The following NDE1 variants were observed in gnomAD, a reference collection of about 807,000 sequenced individuals.
NDE1 encodes nuclear distribution protein nudE homolog 1.
A neutral mutation model predicts 43.4 loss-of-function variants in NDE1; 28 were observed. That is an observed-to-expected ratio of 0.65 (90% CI 0.48 to 0.89). The LOEUF (loss-of-function observed/expected upper bound fraction) is 0.89, where lower values mean the gene tolerates loss of function less well. Ranked by LOEUF, NDE1 falls within the 40% of genes least tolerant of loss-of-function variation. The probability of loss-of-function intolerance (pLI) is 0.00; values close to 1 mark genes in which losing one functional copy is unlikely to be tolerated. For synonymous variants in NDE1, 184 were observed against 172.0 expected (o/e 1.07, Z -0.55); for missense variants, 441 against 434.1 (o/e 1.02, Z -0.14).
intron 8 of NDE1, among the ~76,000 whole-genome samples, chr16:15,709,765 T>C (rs564252985): frequency 6.6e-6 from 1 of 152,226 alleles, no homozygotes; most frequent in African/African-American, 2.4e-5. Context: ...AGCCAAGAAG[T>C]CCCAGGCAAG....
upstream of NDE1, among the ~76,000 whole-genome samples, chr16:15,648,647 A>C (rs2151381497): frequency 6.6e-6 from 1 of 151,834 alleles, no homozygotes. Flanking sequence ...TCTCTACTAA[A>C]AATACAAAAA....
At position 15,720,862 on chromosome 16, in the gene NDE1, TCTC is replaced by T. The variant is rs773606406; in HGVS notation, c.948-3325_948-3323del. On this transcript the variant is annotated intron_variant, in intron 8 of 8. Transcript: ENST00000396354. Reference sequence around the variant, plus strand: ...ACCTGTCTCTGCAGTTGCCTCCTCTTCTCCTCATTCTGCTCGTCCCGGGCTTGG... The same window carrying T: ...ACCTGTCTCTGCAGTTGCCTCCTCTTCTCATTCTGCTCGTCCCGGGCTTGG... 29 of 1,613,638 alleles carry T rather than the reference TCTC, an allele frequency of 1.8e-5. No homozygotes were observed. The highest frequency in any genetic ancestry group is 3.3e-5 in the Admixed American group (2 of 59,962).
intron 7 of NDE1, chr16:15,694,520 AT>A (rs2038918427): frequency 5.1e-6 from 4 of 784,712 alleles, no homozygotes; most frequent in Non-Finnish European, 6.2e-6. Flanking sequence ...TGATACTTTC[AT>A]TTTTTTGTAG....
At chr16:15,717,644 A>C in intron 8 of NDE1, 2 of 494,710 alleles carry the variant, frequency 4.0e-6, no homozygotes, top group Non-Finnish European at 7.3e-6. Context: ...AAAATACAAA[A>C]ATTAGCCGGG....
intron 4 of NDE1, among the ~76,000 whole-genome samples, chr16:15,684,956 G>C (rs2038364811): frequency 6.6e-6 from 1 of 152,164 alleles, no homozygotes; most frequent in South Asian, 2.1e-4. Context: ...GAGTTCCTCT[G>C]ATCATTCTTG....
chr16:15,705,224 C>A (rs1488700198), intron 8 of NDE1, among the ~76,000 whole-genome samples: 1 of 152,200 alleles, frequency 6.6e-6, no homozygotes, highest in African/African-American at 2.4e-5. Flanking sequence ...TCAAACGATC[C>A]ACCTGTCTTA....
chr16:15,707,663 G>GA (rs1567672976), intron 8 of NDE1, among the ~76,000 whole-genome samples: 1 of 152,198 alleles, frequency 6.6e-6, no homozygotes, highest in Non-Finnish European at 1.5e-5. Flanking sequence ...TCCATGAGGT[G>GA]AAGTCAGATC....
rs980781988 is a variant in NDE1, at chr16:15,650,285, C to T, written c.-53C>T. ...GCCGCCGCCGCGTTGGCCTCGCCGC[C>T]CCTGCTCGGGTAAGTGAGGCGCTGC... On this transcript the variant is annotated 5_prime_UTR_variant, in exon 1 of 9. Transcript: ENST00000396354. The T allele has an allele frequency of 4.8e-5, 15 of 315,178 alleles. No individual in the cohort carries two copies. Among genetic ancestry groups the T allele is most frequent in the Admixed American group, 3.6e-5 (1 of 27,690 alleles). The allele number at this position is 315,178 out of a possible 1,614,324, so 19.5% of individuals were successfully genotyped here.
At chr16:15,715,329 G>A (rs1448500871) in intron 8 of NDE1, 4 of 1,566,314 alleles carry the variant, frequency 2.6e-6, no homozygotes, top group Non-Finnish European at 3.5e-6. Flanking sequence ...CCTTGTAGCT[G>A]GTGTGTCACC....
At chr16:15,706,387 TCA>T (rs1009557092) in intron 8 of NDE1, among the ~76,000 whole-genome samples, 17 of 152,150 alleles carry the variant, frequency 1.1e-4, no homozygotes, top group South Asian at 6.2e-4. Flanking sequence ...GCTCTCTTCG[TCA>T]CAGTTTTAAC....
chr16:15,690,002 G>A (rs1394936309), intron 5 of NDE1, among the ~76,000 whole-genome samples: 1 of 151,616 alleles, frequency 6.6e-6, no homozygotes, highest in Non-Finnish European at 1.5e-5. Flanking sequence ...ATGTTATGGT[G>A]ATGATGAGTG....
chr16:15,709,342 A>G (rs1411023098), intron 8 of NDE1, among the ~76,000 whole-genome samples: 1 of 147,130 alleles, frequency 6.8e-6, no homozygotes, highest in East Asian at 2.0e-4. Context: ...GTTTTTTGAT[A>G]CTCTGTCACC....
chr16:15,724,442 G>C lies in NDE1; in HGVS notation c.*191G>C, dbSNP rs778268830. ...GACAGCGTCCAGGGTAGGGTGAGAG[G>C]GGGACCATGAGTGGCCCCTGTCCCT... On this transcript the variant is annotated 3_prime_UTR_variant, in exon 9 of 9. Coordinates refer to ENST00000396354, the MANE Select transcript of NDE1 (RefSeq NM_017668.3). The C allele has an allele frequency of 1.9e-6, 3 of 1,612,796 alleles. No individual in the cohort carries two copies. The Admixed American group carries it at 5.0e-5, about 27-fold the overall frequency.
intron 3 of NDE1, 86 bp from the exon 4 acceptor site, chr16:15,677,715 C>T: frequency 1.3e-6 from 2 of 1,492,580 alleles, no homozygotes; most frequent in Non-Finnish European, 1.9e-6. Context: ...TCCCGAGTAG[C>T]TGTGACTCCA....
chr16:15,684,525 A>G (rs1442681989), intron 4 of NDE1: 1 of 150,664 alleles, frequency 6.6e-6, no homozygotes, highest in Non-Finnish European at 1.5e-5. Flanking sequence ...CCCCGGAGGC[A>G]GAGGTTGCAC....
intron 8 of NDE1, chr16:15,718,505 G>A: frequency 4.6e-6 from 7 of 1,530,614 alleles, no homozygotes; most frequent in African/African-American, 1.4e-5. Context: ...CCCCTCCTTG[G>A]AGTCATGCCT....
chr16:15,677,977 G>A, intron 4 of NDE1, 28 bp downstream of exon 4: 3 of 1,613,484 alleles, frequency 1.9e-6, no homozygotes, highest in Non-Finnish European at 2.5e-6. Context: ...AAGCACGAGT[G>A]GGAGACTCTC....
At chr16:15,698,501 A>C (rs1437336043) in intron 8 of NDE1, among the ~76,000 whole-genome samples, 4 of 152,172 alleles carry the variant, frequency 2.6e-5, no homozygotes, top group Non-Finnish European at 5.9e-5. Context: ...TGTAGCAGAC[A>C]CGTGACAGGA....
chr16:15,687,161 C>A, intron 4 of NDE1: 1 of 1,463,178 alleles, frequency 6.8e-7, no homozygotes, highest in East Asian at 2.7e-5. Flanking sequence ...ATGACAGCCT[C>A]GTGCACCCCA....
Sources: allele counts gnomAD v4.1 joint callset (sites outside exome capture counted in the v4.1 genomes callset), GRCh38; gene constraint gnomAD v4.1.1; transcripts MANE v1.5; gene names NCBI Gene and HGNC (gene_info 2026-07-23, HGNC 2026-07-21).